ARHGEF17: variants seen among roughly 807,000 people sequenced by gnomAD.
The protein encoded by ARHGEF17 is Rho guanine nucleotide exchange factor 17.
ARHGEF17 carries 80 observed loss-of-function variants against 174.0 expected under a neutral mutation model. That is an observed-to-expected ratio of 0.46 (90% CI 0.38 to 0.55). The LOEUF is 0.55. Among genes scored for constraint, ARHGEF17 ranks in the 20% least tolerant of loss-of-function variants. The probability of loss-of-function intolerance (pLI) is 0.00; values close to 1 mark genes in which losing one functional copy is unlikely to be tolerated. For synonymous variants in ARHGEF17, 1,311 were observed against 1,189.1 expected (o/e 1.10, Z -2.11); for missense variants, 2,886 against 2,839.7 (o/e 1.02, Z -0.37).
At chr11:73,352,248 C>T (rs1190706511) in intron 2 of ARHGEF17, among the ~76,000 whole-genome samples, 17 of 152,244 alleles carry the variant, frequency 1.1e-4, no homozygotes, top group African/African-American at 3.6e-4. Context: ...CACTTGAACC[C>T]GGGAGGCGGA....
In ARHGEF17 at chr11:73,365,119, G is replaced by A; in HGVS notation, c.5551-271G>A. 2.1e-6 allele frequency: 1 copy of A among 466,724 alleles called. No individual in the cohort carries two copies. The highest frequency in any genetic ancestry group is 3.9e-6 in the Non-Finnish European group (1 of 258,214). 28.9% of individuals were successfully genotyped at this position (466,724 alleles called of 1,614,324 possible). Reference sequence around the variant, plus strand: ...GCTTCAGCTTCCCCACCTGTCCAGGGGGAGGCCAGTGACTGATTTTAGAAC... The same window carrying A: ...GCTTCAGCTTCCCCACCTGTCCAGGAGGAGGCCAGTGACTGATTTTAGAAC... On this transcript the variant is annotated intron_variant, in intron 18 of 20. Coordinates refer to ENST00000263674, the MANE Select transcript of ARHGEF17 (RefSeq NM_014786.4). The surrounding 1 kb of genome is among the most constrained non-coding windows in gnomAD (Gnocchi z 4.9).
chr11:73,341,252 G>A (rs1253806186), intron 1 of ARHGEF17, among the ~76,000 whole-genome samples: 3 of 152,206 alleles, frequency 2.0e-5, no homozygotes, highest in Non-Finnish European at 4.4e-5. Context: ...CTGAGGATCA[G>A]GGAGGGCTTC....
At chr11:73,350,279 C>T (rs7122825) in intron 2 of ARHGEF17, among the ~76,000 whole-genome samples, 11,672 of 152,262 alleles carry the variant, frequency 0.077, 596 homozygotes, top group Non-Finnish European at 0.11. Context: ...TGAGTGCCCA[C>T]TATGTGCCAG....
At chr11:73,355,814 C>G in intron 4 of ARHGEF17, 47 bp from the exon 5 acceptor site, 1 of 1,609,716 alleles carries the variant, frequency 6.2e-7, no homozygotes, top group South Asian at 1.1e-5. Flanking sequence ...TGGACATAGT[C>G]TTCCTGGCAT....
intron 2 of ARHGEF17, among the ~76,000 whole-genome samples, chr11:73,347,497 AG>A (rs1755541598): frequency 6.6e-6 from 1 of 152,188 alleles, no homozygotes; most frequent in African/African-American, 2.4e-5. Context: ...GGTTTCCTGG[AG>A]GAGGTGCTCA....
intron 1 of ARHGEF17, among the ~76,000 whole-genome samples, chr11:73,312,700 C>G (rs1186375306): frequency 6.6e-6 from 1 of 151,886 alleles, no homozygotes; most frequent in Non-Finnish European, 1.5e-5. Flanking sequence ...GTTCTGGGCC[C>G]CATATTCAGG....
At chr11:73,344,747 A>C (rs1865432865) in intron 1 of ARHGEF17, among the ~76,000 whole-genome samples, 1 of 152,208 alleles carries the variant, frequency 6.6e-6, no homozygotes, top group African/African-American at 2.4e-5. Context: ...AGAATGTGGA[A>C]ACAGGGCCAT....
Position 73,310,166 on chromosome 11 carries a change from G to A in ARHGEF17, c.1528G>A (p.Ala510Thr), listed in dbSNP as rs142234925. 3.0e-5 allele frequency: 48 copies of A among 1,613,838 alleles called. No individual in the cohort carries two copies. Among genetic ancestry groups the A allele is most frequent in the Non-Finnish European group, 3.9e-5 (46 of 1,179,998 alleles). ...NPLDGRDSPS[A>T]GGPVGQLEPI... ...CCTAGATGGCAGAGACTCACCATCC[G>A]CAGGTGGCCCTGTGGGGCAACTTGA... is the stretch of plus-strand genomic sequence containing the variant. Residue 510 changes from alanine to threonine, a missense_variant, in exon 1 of 21, where the codon GCA becomes ACA. By Grantham distance (58) the Ala-to-Thr change is moderately conservative. Transcript: ENST00000263674.
intron 1 of ARHGEF17, among the ~76,000 whole-genome samples, chr11:73,344,336 G>C (rs967249635): frequency 3.3e-5 from 5 of 152,266 alleles, no homozygotes; most frequent in African/African-American, 1.2e-4. Context: ...CTTGTTTTCT[G>C]TGTCTTTACC....
chr11:73,346,634 G>A (rs899866135), intron 1 of ARHGEF17, among the ~76,000 whole-genome samples: 1 of 152,174 alleles, frequency 6.6e-6, no homozygotes, highest in African/African-American at 2.4e-5. Flanking sequence ...AGAGGAGTGA[G>A]TGCCTAACTG....
intron 1 of ARHGEF17, among the ~76,000 whole-genome samples, chr11:73,343,688 G>A (rs1865413672): frequency 1.3e-5 from 2 of 152,082 alleles, no homozygotes; most frequent in African/African-American, 4.8e-5. Flanking sequence ...GGCCCTTGGA[G>A]GAGTCATGCT....
chr11:73,324,717 G>A (rs1296526777), intron 1 of ARHGEF17, among the ~76,000 whole-genome samples: 1 of 152,228 alleles, frequency 6.6e-6, no homozygotes, highest in East Asian at 1.9e-4. Flanking sequence ...TGAGTTGGGG[G>A]CAGTGCCATC....
intron 1 of ARHGEF17, among the ~76,000 whole-genome samples, chr11:73,314,495 T>G (rs1331387950): frequency 6.6e-6 from 1 of 152,194 alleles, no homozygotes; most frequent in East Asian, 1.9e-4. Flanking sequence ...TTTTCCCATC[T>G]GTACAGTGGG....
At position 73,367,704 on chromosome 11, in the gene ARHGEF17, G is replaced by A. The variant is rs763978844; in HGVS notation, c.6116G>A (p.Ser2039Asn). Residue 2039 changes from serine to asparagine, a missense_variant, in exon 21 of 21, where the codon AGC becomes AAC. By Grantham distance (46) the Ser-to-Asn change is conservative. This residue lies in a region of ARHGEF17 where 329 missense variants were observed against 435.2 expected (regional missense o/e 0.76). Coordinates refer to ENST00000263674, the MANE Select transcript of ARHGEF17 (RefSeq NM_014786.4). ...GGDGYEDFRL[S>N]SGGGSSSETV... The stretch of plus-strand genomic sequence containing the variant: ...GATGGCTATGAGGACTTCCGACTCA[G>A]CAGTGGGGGCGGCAGCAGCAGTGAG... 6.2e-7 allele frequency: 1 copy of A among 1,614,110 alleles called. No homozygotes were observed. The highest frequency in any genetic ancestry group is 8.5e-7 in the Non-Finnish European group (1 of 1,180,002).
At chr11:73,355,762 G>T in intron 4 of ARHGEF17, 99 bp from the exon 5 acceptor site, 2 of 1,564,178 alleles carry the variant, frequency 1.3e-6, no homozygotes, top group Non-Finnish European at 1.8e-6. Flanking sequence ...GCCAGCCTCC[G>T]CTCTCAGGCT....
At position 73,310,919 on chromosome 11, in the gene ARHGEF17, G is replaced by T; in HGVS notation, c.2281G>T (p.Gly761Cys). The T allele has an allele frequency of 6.2e-7, 1 of 1,613,858 alleles. No individual in the cohort carries two copies. The highest frequency in any genetic ancestry group is 8.5e-7 in the Non-Finnish European group (1 of 1,179,938). ...GTTCTCTGTGGACAGCAACCTCCTG[G>T]GCTCACTGAGCCCCAAGACAGGGCT... ...TGFSVDSNLLGSLSPKTGLPA... is the reference protein window; with the variant it reads ...TGFSVDSNLLCSLSPKTGLPA... Residue 761 changes from glycine (G) to cysteine (C), a missense_variant, in exon 1 of 21, where the codon GGC becomes TGC. This residue lies in a region of ARHGEF17 where 1,728 missense variants were observed against 1,461.2 expected (regional missense o/e 1.18). Coordinates refer to ENST00000263674, the MANE Select transcript of ARHGEF17 (RefSeq NM_014786.4).
At chr11:73,348,060 A>G (rs921677643) in intron 2 of ARHGEF17, among the ~76,000 whole-genome samples, 3 of 152,170 alleles carry the variant, frequency 2.0e-5, no homozygotes, top group Admixed American at 6.5e-5. Context: ...GGATGCACAC[A>G]TGGCCTGGGG....
rs1565212817 is a variant in ARHGEF17, at chr11:73,367,576, G to GC, written c.5996-3dup. On this transcript the variant is annotated splice_polypyrimidine_tract_variant and splice_region_variant and intron_variant, in intron 20 of 20. Transcript: ENST00000263674. ...CCCAAGCTGACAGATCCTCCCCTCT[G>GC]CCCCCAGGCCCCGAGAAGCTGCCAT... The GC allele has an allele frequency of 6.2e-7, 1 of 1,606,542 alleles. No individual in the cohort carries two copies. The highest frequency in any genetic ancestry group is 8.5e-7 in the Non-Finnish European group (1 of 1,175,212).
In ARHGEF17 at chr11:73,329,611, G is replaced by C. The variant is rs188894356; in HGVS notation, c.3193-17272G>C. On this transcript the variant is annotated intron_variant, in intron 1 of 20. Transcript: ENST00000263674. ...GATGGGAGTTCACCATGTTGGCCTCGCTGGCCTTGAACTCCTGACTTCAGG... is the reference window on the plus strand; with the variant it reads ...GATGGGAGTTCACCATGTTGGCCTCCCTGGCCTTGAACTCCTGACTTCAGG... Among the ~76,000 whole-genome samples, 160 of 151,382 alleles carry C rather than the reference G, an allele frequency of 1.1e-3. 1 individual carries two copies. The highest frequency in any genetic ancestry group is 3.8e-3 in the African/African-American group (155 of 41,146).
Sources: allele counts gnomAD v4.1 joint callset (sites outside exome capture counted in the v4.1 genomes callset), GRCh38; gene constraint gnomAD v4.1.1; regional missense constraint gnomAD v4.1.1; non-coding constraint Gnocchi (gnomAD v3.1); transcripts MANE v1.5; gene names NCBI Gene and HGNC (gene_info 2026-07-23, HGNC 2026-07-21).